Variants in TEC observed in about 807,000 individuals in gnomAD.
TEC encodes the protein tyrosine-protein kinase Tec.
Under a neutral mutation model 93.0 loss-of-function variants are expected in TEC, and 72 were observed. The observed-to-expected ratio is 0.77, with a 90% CI of 0.64 to 0.94. The LOEUF (loss-of-function observed/expected upper bound fraction) is 0.94, where lower values mean the gene tolerates loss of function less well. Ranked by LOEUF, TEC falls within the 40% of genes least tolerant of loss-of-function variation. The pLI is 0.00. For missense variants in TEC, 630 were observed against 757.9 expected, an observed-to-expected ratio of 0.83 and a Z score of 1.98; for synonymous variants, 249 against 247.7, an observed-to-expected ratio of 1.01 and a Z score of -0.05.
intron 2 of TEC, among the ~76,000 whole-genome samples, chr4:48,199,455 C>CTTT (rs34965891): frequency 0.012 from 829 of 67,356 alleles, 69 homozygotes; most frequent in Non-Finnish European, 0.015. Context: ...GATTTTCTTT[C>CTTT]TTTTTTTTTT....
intron 14 of TEC, among the ~76,000 whole-genome samples, chr4:48,142,744 G>A (rs1188381162): frequency 3.3e-5 from 5 of 151,656 alleles, no homozygotes; most frequent in East Asian, 3.9e-4. Flanking sequence ...CCAGTGGTGC[G>A]ACCTTGGCTC....
chr4:48,212,098 C>CAAAAAA (rs59441112), intron 2 of TEC, among the ~76,000 whole-genome samples: 24 of 86,532 alleles, frequency 2.8e-4, no homozygotes, highest in African/African-American at 8.2e-4. Flanking sequence ...GACTCTGTCT[C>CAAAAAA]AAAAAAAAAA....
chr4:48,142,035 T>C (rs1398670227), intron 14 of TEC, among the ~76,000 whole-genome samples: 1 of 152,334 alleles, frequency 6.6e-6, no homozygotes, highest in Non-Finnish European at 1.5e-5. Context: ...AACTATCCAA[T>C]TTTCTTACTG....
intron 1 of TEC, among the ~76,000 whole-genome samples, chr4:48,234,401 C>A (rs1038642211): frequency 6.6e-6 from 1 of 152,090 alleles, no homozygotes; most frequent in Non-Finnish European, 1.5e-5. Context: ...GGACCCCCTC[C>A]CCCAATAGAT....
At chr4:48,164,893 C>T (rs1720818920) in intron 7 of TEC, among the ~76,000 whole-genome samples, 1 of 152,004 alleles carries the variant, frequency 6.6e-6, no homozygotes, top group Non-Finnish European at 1.5e-5. Flanking sequence ...ATTCCAGCTA[C>T]TTGGGAGGCC....
At chr4:48,177,412 T>G (rs1042535244) in intron 2 of TEC, among the ~76,000 whole-genome samples, 1 of 152,210 alleles carries the variant, frequency 6.6e-6, no homozygotes, top group Non-Finnish European at 1.5e-5. Flanking sequence ...AGCCATCCCT[T>G]GGCCTTAGTC....
At chr4:48,183,817 TAG>T (rs1721694286) in intron 2 of TEC, among the ~76,000 whole-genome samples, 1 of 152,206 alleles carries the variant, frequency 6.6e-6, no homozygotes, top group Admixed American at 6.5e-5. Context: ...TCTGTTTCTC[TAG>T]AGAACCCTGA....
intron 1 of TEC, among the ~76,000 whole-genome samples, chr4:48,257,313 G>T (rs140257568): frequency 6.6e-6 from 1 of 152,280 alleles, no homozygotes; most frequent in East Asian, 1.9e-4. Context: ...CAACAGTGCT[G>T]CTTTGAAGAC....
intron 11 of TEC, 132 bp from the exon 12 acceptor site, chr4:48,146,531 A>T: frequency 1.4e-6 from 1 of 719,256 alleles, no homozygotes; most frequent in East Asian, 2.6e-5. Context: ...TACATACAGC[A>T]CTCTGCTATA....
chr4:48,230,701 G>A (rs1446546368), intron 1 of TEC, among the ~76,000 whole-genome samples: 5 of 152,176 alleles, frequency 3.3e-5, no homozygotes, highest in Admixed American at 1.3e-4. Context: ...ACGAGAGACT[G>A]TCCACATTCT....
At chr4:48,219,061 G>C (rs1481908215) in intron 2 of TEC, among the ~76,000 whole-genome samples, 1 of 152,190 alleles carries the variant, frequency 6.6e-6, no homozygotes, top group Non-Finnish European at 1.5e-5. Context: ...ATTAGATATA[G>C]AGAGGACCAT....
intron 1 of TEC, among the ~76,000 whole-genome samples, chr4:48,234,786 A>G (rs1723741013): frequency 6.6e-6 from 1 of 152,138 alleles, no homozygotes; most frequent in Non-Finnish European, 1.5e-5. Flanking sequence ...TATGAAAGAG[A>G]GCTATTTCCT....
chr4:48,266,623 A>G (rs1724642834), intron 1 of TEC, among the ~76,000 whole-genome samples: 1 of 152,212 alleles, frequency 6.6e-6, no homozygotes, highest in African/African-American at 2.4e-5. Flanking sequence ...AGATCACCTG[A>G]GGTCACGAGT....
intron 7 of TEC, among the ~76,000 whole-genome samples, chr4:48,166,748 G>A (rs16861090): frequency 0.016 from 2,452 of 151,894 alleles, 63 homozygotes; most frequent in African/African-American, 0.053. Context: ...CCGATAAAGA[G>A]AAGCAGTGAC....
chr4:48,216,686 C>T (rs1339939324), intron 2 of TEC, among the ~76,000 whole-genome samples: 7 of 152,086 alleles, frequency 4.6e-5, no homozygotes, highest in African/African-American at 1.7e-4. Flanking sequence ...ATGTCACAGT[C>T]TTGAATATGT....
At chr4:48,261,233 C>T (rs58901005) in intron 1 of TEC, among the ~76,000 whole-genome samples, 4,022 of 152,260 alleles carry the variant, frequency 0.026, 175 homozygotes, top group African/African-American at 0.09. Context: ...AATTCAAAAG[C>T]ATGTATACCT....
At chr4:48,261,898 T>C (rs1724504574) in intron 1 of TEC, among the ~76,000 whole-genome samples, 2 of 152,128 alleles carry the variant, frequency 1.3e-5, no homozygotes, top group Non-Finnish European at 2.9e-5. Context: ...ACATAATGAA[T>C]ACTTACTTCC....
At chr4:48,139,938 C>A (rs557525936) in intron 15 of TEC, among the ~76,000 whole-genome samples, 4 of 152,302 alleles carry the variant, frequency 2.6e-5, no homozygotes, top group African/African-American at 9.6e-5. Flanking sequence ...AACTGTCAGC[C>A]AGTGGAGTCT....
At chr4:48,179,359 T>A (rs1170449650) in intron 2 of TEC, among the ~76,000 whole-genome samples, 1 of 42,338 alleles carries the variant, frequency 2.4e-5, no homozygotes, top group Non-Finnish European at 5.0e-5. Flanking sequence ...TATATATATA[T>A]ATATATATAT....
Sources: gnomAD v4.1 joint callset for allele counts (sites outside exome capture counted in the v4.1 genomes callset) on GRCh38, gnomAD v4.1.1 for gene constraint, MANE v1.5 for transcripts, NCBI Gene and HGNC (gene_info 2026-07-23, HGNC 2026-07-21) for gene names.